The following DLG2 variants were observed in gnomAD, a reference collection of about 807,000 sequenced individuals.
DLG2 encodes the protein disks large homolog 2.
In DLG2, 45 loss-of-function variants were observed where a neutral mutation model predicts 132.5. The ratio of observed to expected loss-of-function variants is 0.34; its 90% confidence interval spans 0.27 to 0.44. The LOEUF (loss-of-function observed/expected upper bound fraction) is 0.44. DLG2 is among the 20% of genes least tolerant of loss of function. The probability of loss-of-function intolerance (pLI) is 1.00; values close to 1 mark genes in which losing one functional copy is unlikely to be tolerated. For missense variants in DLG2, 1,045 were observed against 1,196.9 expected (o/e 0.87, Z 1.87); for synonymous variants, 424 against 419.6 (o/e 1.01, Z -0.13).
intron 6 of DLG2, among the ~76,000 whole-genome samples, chr11:85,027,479 C>T (rs1271717454): frequency 6.6e-6 from 1 of 152,190 alleles, no homozygotes; most frequent in Non-Finnish European, 1.5e-5. Context: ...GCTCGTTCCA[C>T]CCACTTGGCC....
At chr11:85,218,539 G>A (rs2082773073) in intron 4 of DLG2, among the ~76,000 whole-genome samples, 1 of 152,086 alleles carries the variant, frequency 6.6e-6, no homozygotes, top group African/African-American at 2.4e-5. Flanking sequence ...CAGTCAGAAT[G>A]GCTATTATTA....
intron 6 of DLG2, among the ~76,000 whole-genome samples, chr11:84,541,185 TATTATA>T (rs1257431260): frequency 2.8e-3 from 243 of 87,390 alleles, no homozygotes; most frequent in South Asian, 4.7e-3. Context: ...GAACTTGAAG[TATTATA>T]ATAATAATAA....
chr11:85,127,176 C>G (rs1397062649), intron 5 of DLG2, among the ~76,000 whole-genome samples: 1 of 151,980 alleles, frequency 6.6e-6, no homozygotes, highest in African/African-American at 2.4e-5. Context: ...TATTGGACAC[C>G]TTACATCCCA....
chr11:84,775,844 T>C, intron 6 of DLG2, among the ~76,000 whole-genome samples: 1 of 152,068 alleles, frequency 6.6e-6, no homozygotes, highest in South Asian at 2.1e-4. Flanking sequence ...CCTCACACAG[T>C]ATACTCATGT....
chr11:83,804,379 A>G (rs1185759853), intron 17 of DLG2, among the ~76,000 whole-genome samples: 1 of 152,122 alleles, frequency 6.6e-6, no homozygotes, highest in Non-Finnish European at 1.5e-5. Context: ...TTACTATGCT[A>G]GTTCTAAGCA....
At chr11:84,070,795 T>C (rs1284175294) in intron 10 of DLG2, among the ~76,000 whole-genome samples, 2 of 152,240 alleles carry the variant, frequency 1.3e-5, no homozygotes, top group Admixed American at 6.5e-5. Context: ...AGTACAGTGA[T>C]CTTAAAATTC....
chr11:84,082,659 A>G (rs978806177), intron 10 of DLG2, among the ~76,000 whole-genome samples: 1 of 152,212 alleles, frequency 6.6e-6, no homozygotes, highest in Non-Finnish European at 1.5e-5. Context: ...TCAGTTATTT[A>G]TCTGCAGATA....
chr11:84,785,312 C>T (rs2072677548), intron 6 of DLG2, among the ~76,000 whole-genome samples: 1 of 151,840 alleles, frequency 6.6e-6, no homozygotes, highest in South Asian at 2.1e-4. Context: ...ATCATATTAT[C>T]TTATGTTATG....
At chr11:84,059,607 T>C (rs2096558977) in intron 10 of DLG2, 123 bp from the exon 11 acceptor site, 4 of 792,238 alleles carry the variant, frequency 5.0e-6, no homozygotes, top group Non-Finnish European at 7.5e-6. Context: ...TTAAAATATT[T>C]AAATTTGGAA....
At chr11:84,398,644 C>T (rs888337920) in intron 7 of DLG2, among the ~76,000 whole-genome samples, 1 of 152,122 alleles carries the variant, frequency 6.6e-6, no homozygotes, top group Non-Finnish European at 1.5e-5. Flanking sequence ...GTGATATCCC[C>T]AAGTATTTTA....
intron 6 of DLG2, among the ~76,000 whole-genome samples, chr11:84,717,735 T>C (rs2061383654): frequency 6.6e-6 from 1 of 152,086 alleles, no homozygotes; most frequent in Admixed American, 6.5e-5. Flanking sequence ...GTTTCTCCTA[T>C]AAGTAATAAG....
At chr11:84,935,491 G>A (rs1459153890) in intron 6 of DLG2, among the ~76,000 whole-genome samples, 1 of 152,090 alleles carries the variant, frequency 6.6e-6, no homozygotes, top group African/African-American at 2.4e-5. Flanking sequence ...AACTTGTTTT[G>A]ATTCCTCTAA....
chr11:84,916,722 G>A (rs192784647), intron 6 of DLG2, among the ~76,000 whole-genome samples: 113 of 152,174 alleles, frequency 7.4e-4, no homozygotes, highest in African/African-American at 2.6e-3. Flanking sequence ...TGACCCTTCC[G>A]TTCAAAACAC....
At chr11:84,113,827 G>A (rs2154194828) in intron 9 of DLG2, among the ~76,000 whole-genome samples, 1 of 152,214 alleles carries the variant, frequency 6.6e-6, no homozygotes, top group South Asian at 2.1e-4. Context: ...CAATGATAGA[G>A]TCTCAGATTC....
At chr11:83,884,003 C>G (rs1254288787) in intron 15 of DLG2, among the ~76,000 whole-genome samples, 2 of 136,660 alleles carry the variant, frequency 1.5e-5, no homozygotes, top group Non-Finnish European at 3.4e-5. Flanking sequence ...CTACAGCTCC[C>G]AGCGTGAGTG....
rs571115121 is a variant in DLG2, at chr11:85,419,448, T to G, written c.41-134083A>C. 1.1e-4 allele frequency among the ~76,000 whole-genome samples: 16 copies of G among 152,342 alleles called. 1 individual carries two copies. The South Asian group carries it at 3.1e-3, about 30-fold the overall frequency. ...AGTATCTTTGTGGTGTTCTCTGTATTTCCTGAATTTGAATGTTGGCCTACC... is the reference window on the plus strand; with the variant it reads ...AGTATCTTTGTGGTGTTCTCTGTATGTCCTGAATTTGAATGTTGGCCTACC... On this transcript the variant is annotated intron_variant, in intron 3 of 27. Transcript: ENST00000376104.
intron 24 of DLG2, among the ~76,000 whole-genome samples, chr11:83,469,758 T>G (rs140122639): frequency 1.1e-4 from 16 of 152,250 alleles, no homozygotes; most frequent in African/African-American, 3.8e-4. Flanking sequence ...GGCCACATTT[T>G]AAAAGGTTAC....
intron 4 of DLG2, among the ~76,000 whole-genome samples, chr11:85,165,770 C>T (rs2078394446): frequency 6.6e-6 from 1 of 152,110 alleles, no homozygotes; most frequent in Admixed American, 6.6e-5. Flanking sequence ...ATGCAATAGG[C>T]CAAACAAAAT....
rs1161519640 is a variant in DLG2, at chr11:83,753,804, T to C, written c.1825+32886A>G. ...TATATGTCATATATATGATATATCA[T>C]ATATATCATATATATATTTCATATA... On this transcript the variant is annotated intron_variant, in intron 18 of 27. Transcript: ENST00000376104. 2.5e-5 allele frequency among the ~76,000 whole-genome samples: 2 copies of C among 79,588 alleles called. 1 individual carries two copies. The highest frequency in any genetic ancestry group is 1.7e-4 in the African/African-American group (2 of 12,062). 52.2% of individuals were successfully genotyped at this position (79,588 alleles called of 152,430 possible). A position where few individuals can be genotyped will look rare whatever the true frequency, so the allele number is the denominator to read the frequency against.
Sources: allele counts gnomAD v4.1 joint callset (sites outside exome capture counted in the v4.1 genomes callset), GRCh38; gene constraint gnomAD v4.1.1; transcripts MANE v1.5; gene names NCBI Gene and HGNC (gene_info 2026-07-23, HGNC 2026-07-21).